IL7: variants seen among roughly 807,000 people sequenced by gnomAD.
The protein encoded by IL7 is interleukin-7.
A neutral mutation model predicts 21.6 loss-of-function variants in IL7; 3 were observed. The observed-to-expected ratio is 0.14, with a 90% CI of 0.06 to 0.36. The LOEUF is 0.36. Ranked by LOEUF, IL7 falls within the 10% of genes least tolerant of loss-of-function variation. The probability of loss-of-function intolerance (pLI) is 1.00; values close to 1 mark genes in which losing one functional copy is unlikely to be tolerated. For synonymous variants in IL7, 62 were observed against 68.1 expected, an observed-to-expected ratio of 0.91 and a Z score of 0.44; for missense variants, 175 against 200.2, an observed-to-expected ratio of 0.87 and a Z score of 0.76.
At chr8:78,775,517 A>G (rs1813103601) in intron 2 of IL7, among the ~76,000 whole-genome samples, 1 of 152,136 alleles carries the variant, frequency 6.6e-6, no homozygotes, top group African/African-American at 2.4e-5. Context: ...TACAGCAGGA[A>G]TGGATCTCAG....
intron 3 of IL7, among the ~76,000 whole-genome samples, chr8:78,688,010 A>T (rs1235548353): frequency 6.8e-6 from 1 of 148,000 alleles, no homozygotes; most frequent in Non-Finnish European, 1.5e-5. Flanking sequence ...TAAAATGAGC[A>T]TGGCTGTGTT....
intron 1 of IL7, among the ~76,000 whole-genome samples, chr8:78,801,552 A>G (rs1010624982): frequency 6.6e-6 from 1 of 152,164 alleles, no homozygotes; most frequent in Non-Finnish European, 1.5e-5. Context: ...GTGAGCCACG[A>G]TCTACTGAGC....
intron 2 of IL7, among the ~76,000 whole-genome samples, chr8:78,769,307 C>A (rs1194290989): frequency 1.3e-5 from 2 of 152,104 alleles, no homozygotes; most frequent in Admixed American, 6.5e-5. Flanking sequence ...CCCAAAATCT[C>A]CTTAAGCTGA....
chr8:78,687,879 A>G (rs1488312588), intron 3 of IL7, among the ~76,000 whole-genome samples: 1 of 130,974 alleles, frequency 7.6e-6, no homozygotes, highest in Non-Finnish European at 1.6e-5. Flanking sequence ...TAATAAATAT[A>G]TATTTATATA....
intron 2 of IL7, among the ~76,000 whole-genome samples, chr8:78,748,231 C>T (rs1812047849): frequency 6.6e-6 from 1 of 152,088 alleles, no homozygotes; most frequent in Non-Finnish European, 1.5e-5. Context: ...TTCTAGTTTA[C>T]TTTTTTCAAT....
chr8:78,688,086 T>C (rs934130782), intron 3 of IL7, among the ~76,000 whole-genome samples: 2 of 151,068 alleles, frequency 1.3e-5, no homozygotes, highest in African/African-American at 4.8e-5. Flanking sequence ...GGCCATACTT[T>C]GCGAAACCCT....
At chr8:78,731,896 A>G (rs1393884438), downstream of IL7, among the ~76,000 whole-genome samples, 3 of 152,170 alleles carry the variant, frequency 2.0e-5, no homozygotes, top group African/African-American at 7.2e-5. Context: ...TTAAACAAGC[A>G]TTTAAAAAAT....
intron 3 of IL7, chr8:78,686,465 A>G: frequency 7.5e-7 from 1 of 1,340,586 alleles, no homozygotes; most frequent in Non-Finnish European, 9.8e-7. Flanking sequence ...ATTTATTTAT[A>G]GCCAGAACCA....
At chr8:78,758,664 A>G (rs989571949) in intron 2 of IL7, among the ~76,000 whole-genome samples, 4 of 152,030 alleles carry the variant, frequency 2.6e-5, no homozygotes, top group Non-Finnish European at 5.9e-5. Flanking sequence ...CACTTTGAAT[A>G]TAGTTTCTCA....
At chr8:78,687,190 G>A (rs935703501) in intron 3 of IL7, among the ~76,000 whole-genome samples, 4 of 151,914 alleles carry the variant, frequency 2.6e-5, no homozygotes, top group African/African-American at 4.8e-5. Flanking sequence ...AACTTAAAGT[G>A]ACAAAGTTGA....
At chr8:78,801,841 C>A (rs1814071917) in intron 1 of IL7, among the ~76,000 whole-genome samples, 1 of 152,166 alleles carries the variant, frequency 6.6e-6, no homozygotes, top group South Asian at 2.1e-4. Context: ...TCCCAGCTCT[C>A]CCATTAATGA....
At chr8:78,736,018 A>G (rs567962262) in intron 5 of IL7, among the ~76,000 whole-genome samples, 1 of 150,922 alleles carries the variant, frequency 6.6e-6, no homozygotes, top group South Asian at 2.1e-4. Context: ...ATATGTTTAT[A>G]TACTATTATA....
intron 3 of IL7, among the ~76,000 whole-genome samples, chr8:78,691,588 G>C (rs1810212705): frequency 1.3e-5 from 2 of 151,718 alleles, no homozygotes; most frequent in African/African-American, 4.8e-5. Context: ...TTATTGATTT[G>C]CTTATGTTTA....
At chr8:78,748,908 A>T (rs1163204830) in intron 2 of IL7, among the ~76,000 whole-genome samples, 1 of 152,240 alleles carries the variant, frequency 6.6e-6, no homozygotes, top group Non-Finnish European at 1.5e-5. Flanking sequence ...AAAATAAAAT[A>T]AAATATTAAG....
At chr8:78,750,607 A>G (rs979471189) in intron 2 of IL7, among the ~76,000 whole-genome samples, 1 of 152,180 alleles carries the variant, frequency 6.6e-6, no homozygotes, top group African/African-American at 2.4e-5. Context: ...GCAGATCACG[A>G]GGTCAGGAGA....
At chr8:78,749,802 G>A (rs1812106951) in intron 2 of IL7, among the ~76,000 whole-genome samples, 1 of 152,092 alleles carries the variant, frequency 6.6e-6, no homozygotes, top group Non-Finnish European at 1.5e-5. Flanking sequence ...ATAAGCCAGA[G>A]GTGGGAGGAT....
intron 2 of IL7, among the ~76,000 whole-genome samples, chr8:78,763,737 A>G (rs1487641914): frequency 6.6e-6 from 1 of 152,222 alleles, no homozygotes; most frequent in Non-Finnish European, 1.5e-5. Context: ...GAATTCTATC[A>G]AATAGTTAAG....
intron 2 of IL7, among the ~76,000 whole-genome samples, chr8:78,766,288 T>C (rs1812750889): frequency 6.6e-6 from 1 of 152,116 alleles, no homozygotes; most frequent in East Asian, 1.9e-4. Context: ...CCATAGTATG[T>C]ACAACACCAA....
At chr8:78,707,154 TGGCCTCCA>T (rs1438007068) in intron 3 of IL7, among the ~76,000 whole-genome samples, 1 of 152,212 alleles carries the variant, frequency 6.6e-6, no homozygotes. Context: ...CACAGAGAAT[TGGCCTCCA>T]TGTTAGGTAA....
Sources: gnomAD v4.1 joint callset for allele counts (sites outside exome capture counted in the v4.1 genomes callset) on GRCh38, gnomAD v4.1.1 for gene constraint, MANE v1.5 for transcripts, NCBI Gene and HGNC (gene_info 2026-07-23, HGNC 2026-07-21) for gene names.